Variants in CDC25C observed in about 807,000 individuals in gnomAD.
CDC25C encodes the protein cell division cycle 25C.
Under a neutral mutation model 52.5 loss-of-function variants are expected in CDC25C, and 48 were observed. The observed-to-expected ratio is 0.91, with a 90% CI of 0.72 to 1.16. The LOEUF is 1.16. Among genes scored for constraint, CDC25C ranks in the 50% most tolerant of loss-of-function variants. The pLI, the probability that CDC25C is intolerant of heterozygous loss-of-function variation, is 0.00. For synonymous variants in CDC25C, 187 were observed against 206.5 expected (o/e 0.91, Z 0.81); for missense variants, 510 against 566.1 (o/e 0.90, Z 1.01).
chr5:138,307,490 C>CCCCCCA (rs1758096367), intron 7 of CDC25C, among the ~76,000 whole-genome samples: 1 of 88,248 alleles, frequency 1.1e-5, no homozygotes, highest in Non-Finnish European at 2.0e-5. Context: ...GAGACTGCCA[C>CCCCCCA]AAAAAAAAAA....
chr5:138,309,642 T>C (rs1263260575), intron 7 of CDC25C, among the ~76,000 whole-genome samples: 2 of 151,538 alleles, frequency 1.3e-5, no homozygotes, highest in African/African-American at 2.4e-5. Flanking sequence ...GCAATCATCA[T>C]CTATTATTAT....
chr5:138,331,373 G>A (rs1253389816), intron 1 of CDC25C, among the ~76,000 whole-genome samples, 155 bp from the exon 2 acceptor site: 1 of 152,214 alleles, frequency 6.6e-6, no homozygotes, highest in African/African-American at 2.4e-5. Context: ...TGAATTCACC[G>A]ACGAGAGGCA....
chr5:138,308,391 A>AT (rs1445261503), intron 7 of CDC25C, among the ~76,000 whole-genome samples: 2 of 152,202 alleles, frequency 1.3e-5, no homozygotes, highest in Non-Finnish European at 2.9e-5. Context: ...AAATAAAAGG[A>AT]TTTTTTAAAT....
intron 8 of CDC25C, among the ~76,000 whole-genome samples, chr5:138,291,349 C>T (rs1213861991): frequency 2.0e-5 from 3 of 151,722 alleles, no homozygotes; most frequent in African/African-American, 7.3e-5. Flanking sequence ...ATATCCATAC[C>T]AAAGTTCCCT....
At chr5:138,324,109 A>C (rs1759659826) in intron 6 of CDC25C, among the ~76,000 whole-genome samples, 1 of 150,168 alleles carries the variant, frequency 6.7e-6, no homozygotes. Context: ...CATCTCTACT[A>C]AAATACAAAA....
intron 7 of CDC25C, 71 bp from the exon 8 acceptor site, chr5:138,292,187 C>G (rs1454173019): frequency 1.6e-6 from 2 of 1,215,974 alleles, no homozygotes; most frequent in Non-Finnish European, 2.3e-6. Context: ...GCAACAACAT[C>G]TCCTGGGAGC....
chr5:138,317,871 G>A (rs1759024034), intron 7 of CDC25C, among the ~76,000 whole-genome samples: 1 of 151,966 alleles, frequency 6.6e-6, no homozygotes, highest in Non-Finnish European at 1.5e-5. Flanking sequence ...GTAATGTTAG[G>A]TATATTCTAT....
rs1756633626 is a variant in CDC25C, at chr5:138,290,693, A to C, written c.810T>G (p.Thr270=). ...KTVSLCDITI[T]QMLEEDSNQG... is the part of the protein sequence containing the mutation. ...GGTTAGAATCTTCCTCCAGCATCTG[A>C]GTGATAGTAATGTCACACAGAGAGA... Residue 270 remains threonine, a synonymous_variant, in exon 9 of 14, where the codon ACT becomes ACG. Coordinates refer to ENST00000323760, the MANE Select transcript of CDC25C (RefSeq NM_001790.5). The C allele has an allele frequency of 6.2e-7, 1 of 1,612,280 alleles. No individual in the cohort carries two copies. Among genetic ancestry groups the C allele is most frequent in the East Asian group, 2.2e-5 (1 of 44,860 alleles).
chr5:138,288,289 C>T (rs1015415003), intron 10 of CDC25C, among the ~76,000 whole-genome samples: 2 of 152,044 alleles, frequency 1.3e-5, no homozygotes, highest in East Asian at 1.9e-4. Flanking sequence ...TGGTCAGACT[C>T]GTCTCGAACT....
At position 138,329,653 on chromosome 5, in the gene CDC25C, G is replaced by A; in HGVS notation, c.195-6C>T. 6.5e-7 allele frequency: 1 copy of A among 1,539,470 alleles called. No individual in the cohort carries two copies. Among genetic ancestry groups the A allele is most frequent in the East Asian group, 2.3e-5 (1 of 43,830 alleles). ...GGCAACGTTTTGGGGTTCCTCTGTT[G>A]AGACATAATAGTACATCGAAATTCC... On this transcript the variant is annotated splice_region_variant and splice_polypyrimidine_tract_variant and intron_variant, in intron 2 of 13. Coordinates refer to ENST00000323760, the MANE Select transcript of CDC25C (RefSeq NM_001790.5).
chr5:138,287,214 G>T lies in CDC25C; in HGVS notation c.981C>A (p.Val327=), dbSNP rs1445497625. The change falls in exon 11 of 14, where the codon GTC becomes GTA. Residue 327 remains valine, a synonymous_variant. Coordinates refer to ENST00000323760, the MANE Select transcript of CDC25C (RefSeq NM_001790.5). Reference sequence around the variant, plus strand: ...ACTCATATGGATAGCGACAATCAATGACATAAAACTTCTCAATCAGACCCT... The same window carrying T: ...ACTCATATGGATAGCGACAATCAATTACATAAAACTTCTCAATCAGACCCT... ...KFQGLIEKFY[V]IDCRYPYEYL... The T allele has an allele frequency of 6.2e-7, 1 of 1,613,880 alleles. No homozygotes were observed. Among genetic ancestry groups the T allele is most frequent in the Non-Finnish European group, 8.5e-7 (1 of 1,179,960 alleles).
chr5:138,335,629 A>C (rs891066467), upstream of CDC25C: 1 of 152,220 alleles, frequency 6.6e-6, no homozygotes, highest in Non-Finnish European at 1.5e-5. Flanking sequence ...CATGAGTAAA[A>C]AATCCTTGGG....
At chr5:138,331,491 T>G in intron 1 of CDC25C, 104 bp downstream of exon 1, 1 of 860,226 alleles carries the variant, frequency 1.2e-6, no homozygotes, top group Non-Finnish European at 1.5e-6. Flanking sequence ...CTCGCGATAG[T>G]CCCCATTCGG....
chr5:138,335,772 TTTTTTTTGTTTTG>T (rs1253657317), upstream of CDC25C, among the ~76,000 whole-genome samples: 1 of 151,512 alleles, frequency 6.6e-6, no homozygotes, highest in Admixed American at 6.6e-5. Context: ...TGCAGGGTTT[TTTTTTTTGTTTTG>T]TTTTTTTTGT....
In CDC25C at chr5:138,319,269, CT is replaced by C; in HGVS notation, c.564del (p.Glu189ArgfsTer6). 6.2e-7 allele frequency: 1 copy of C among 1,613,780 alleles called. No homozygotes were observed. Among genetic ancestry groups the C allele is most frequent in the African/African-American group, 1.3e-5 (1 of 75,054 alleles). ...AACTCCATTAATTCATCTGAAATCT[CT>C]TCTGCCTGGTCTTCTCCTAGGTTTG... ...KNPNLGEDQAEEISDELMEFS... is the reference protein window; with the variant it reads ...KNPNLGEDQAXEISDELMEFS... On this transcript the variant is annotated frameshift_variant, in exon 7 of 14. Transcript: ENST00000323760. LOFTEE classifies it high-confidence loss of function.
chr5:138,315,067 G>A (rs969007826), intron 7 of CDC25C, among the ~76,000 whole-genome samples: 29 of 151,630 alleles, frequency 1.9e-4, no homozygotes, highest in African/African-American at 6.1e-4. Context: ...CCCAGTAGCT[G>A]GGGTTACAGA....
chr5:138,324,689 T>C (rs918708643), intron 6 of CDC25C, among the ~76,000 whole-genome samples: 52 of 149,002 alleles, frequency 3.5e-4, no homozygotes, highest in African/African-American at 1.2e-3. Flanking sequence ...ACCCAGGAGG[T>C]AGAGGTTGCA....
chr5:138,322,568 C>A (rs1463814078), intron 6 of CDC25C, among the ~76,000 whole-genome samples: 1 of 148,722 alleles, frequency 6.7e-6, no homozygotes, highest in East Asian at 2.0e-4. Flanking sequence ...CTCCGCCTCC[C>A]GGGTTCACGC....
At position 138,286,082 on chromosome 5, in the gene CDC25C, C is replaced by A; in HGVS notation, c.1212G>T (p.Leu404Phe). ...EDRSLNQYPALYYPELYILKG... is the reference protein window; with the variant it reads ...EDRSLNQYPAFYYPELYILKG... ...TAAGGATATATAGCTCTGGGTAGTA[C>A]AATGCAGGATACTGGTTCAGAGACC... Residue 404 changes from leucine to phenylalanine, a missense_variant, in exon 13 of 14, where the codon TTG becomes TTT. Leu to Phe is a conservative substitution (Grantham distance 22, BLOSUM62 0). Transcript: ENST00000323760. The A allele has an allele frequency of 6.2e-7, 1 of 1,614,072 alleles. No homozygotes were observed.
Sources: gnomAD v4.1 joint callset for allele counts (sites outside exome capture counted in the v4.1 genomes callset) on GRCh38, gnomAD v4.1.1 for gene constraint, MANE v1.5 for transcripts, NCBI Gene and HGNC (gene_info 2026-07-23, HGNC 2026-07-21) for gene names.